Variants in NLRP1 observed in about 807,000 individuals in gnomAD.
The protein encoded by NLRP1 is NACHT, LRR and PYD domains-containing protein 1.
NLRP1 carries 94 observed loss-of-function variants against 136.7 expected under a neutral mutation model. That is an observed-to-expected ratio of 0.69 (90% CI 0.58 to 0.82). The LOEUF (loss-of-function observed/expected upper bound fraction) is 0.82. Among genes scored for constraint, NLRP1 ranks in the 40% least tolerant of loss-of-function variants. The probability of loss-of-function intolerance (pLI) is 0.00; values close to 1 mark genes in which losing one functional copy is unlikely to be tolerated. For missense variants in NLRP1, 1,575 were observed against 1,802.7 expected, an observed-to-expected ratio of 0.87 and a Z score of 2.29; for synonymous variants, 690 against 725.1, an observed-to-expected ratio of 0.95 and a Z score of 0.78.
chr17:5,545,716 A>C (rs1912585147), intron 5 of NLRP1, among the ~76,000 whole-genome samples: 1 of 152,156 alleles, frequency 6.6e-6, no homozygotes, highest in African/African-American at 2.4e-5. Flanking sequence ...CGCAGCTGGC[A>C]GATGTGGCTC....
chr17:5,521,850 G>T, intron 12 of NLRP1, 64 bp from the exon 13 acceptor site: 2 of 1,467,896 alleles, frequency 1.4e-6, no homozygotes, highest in Non-Finnish European at 1.8e-6. Context: ...TTGAGACAGA[G>T]TTTCGCTCTT....
At chr17:5,554,069 T>C (rs968998480) in intron 4 of NLRP1, among the ~76,000 whole-genome samples, 2 of 152,070 alleles carry the variant, frequency 1.3e-5, no homozygotes, top group African/African-American at 4.8e-5. Context: ...CGGGAGGCAG[T>C]AGCAGAGCCT....
In NLRP1 at chr17:5,559,837, G is replaced by A. The variant is rs17854712; in HGVS notation, c.859C>T (p.Pro287Ser). 5.0e-6 allele frequency: 8 copies of A among 1,614,242 alleles called. No individual in the cohort carries two copies. Among genetic ancestry groups the A allele is most frequent in the Non-Finnish European group, 6.8e-6 (8 of 1,180,038 alleles). ...KFTQLLLLQR[P>S]HPRSQDPLVK... ...AGGGGATCTTGGCTTCTGGGGTGAG[G>A]TCTTTGTAGAAGTAGCAGCTGTGTG... Residue 287 changes from proline to serine, a missense_variant, in exon 4 of 17, where the codon CCT becomes TCT. Physicochemically the swap from Pro to Ser is moderately conservative, Grantham distance 74 (BLOSUM62 -1). Transcript: ENST00000572272.
chr17:5,517,035 G>C (rs1166011555), intron 15 of NLRP1, among the ~76,000 whole-genome samples: 2 of 152,178 alleles, frequency 1.3e-5, no homozygotes, highest in Non-Finnish European at 2.9e-5. Context: ...GAGCGATACA[G>C]GGGAGAGTAT....
At chr17:5,519,223 C>T (rs1447210564) in intron 14 of NLRP1, among the ~76,000 whole-genome samples, 1 of 151,974 alleles carries the variant, frequency 6.6e-6, no homozygotes, top group Middle Eastern at 3.4e-3. Context: ...AGGATGGTCT[C>T]GATCTCCTGA....
intron 15 of NLRP1, among the ~76,000 whole-genome samples, chr17:5,509,018 G>A (rs1018698887): frequency 2.6e-5 from 4 of 152,142 alleles, no homozygotes; most frequent in Non-Finnish European, 4.4e-5. Context: ...TCATGCCCAC[G>A]CAGACAAAGG....
intron 12 of NLRP1, chr17:5,529,894 C>T (rs1458816739): frequency 6.9e-6 from 3 of 435,316 alleles, no homozygotes; most frequent in Admixed American, 2.5e-5. Context: ...CTTGTTTCCC[C>T]TTTGTGAGAT....
chr17:5,504,020 T>G lies in NLRP1; in HGVS notation c.4070-2148A>C, dbSNP rs2151726230. The G allele has an allele frequency of 6.6e-6, 1 of 152,458 alleles. No individual in the cohort carries two copies. The highest frequency in any genetic ancestry group is 1.9e-4 in the East Asian group (1 of 5,188). 9.4% of individuals were successfully genotyped at this position (152,458 alleles called of 1,614,324 possible). ...GCCTCTGGAAGAAAGATACACTGTCTGAGTCAATAGGAATCAGAGATTTGA... is the reference window on the plus strand; with the variant it reads ...GCCTCTGGAAGAAAGATACACTGTCGGAGTCAATAGGAATCAGAGATTTGA... On this transcript the variant is annotated intron_variant, in intron 15 of 15. Coordinates refer to the NLRP1 transcript ENST00000262467. The surrounding 1 kb of genome is among the most constrained non-coding windows in gnomAD (Gnocchi z 4.4).
chr17:5,516,943 G>T (rs1188972692), intron 15 of NLRP1, among the ~76,000 whole-genome samples: 1 of 152,094 alleles, frequency 6.6e-6, no homozygotes, highest in Non-Finnish European at 1.5e-5. Flanking sequence ...TTAGATTGTT[G>T]GTACTAGACT....
At chr17:5,568,419 T>TTCAA (rs1261178260) in intron 3 of NLRP1, among the ~76,000 whole-genome samples, 7 of 152,190 alleles carry the variant, frequency 4.6e-5, no homozygotes, top group Admixed American at 4.6e-4. Flanking sequence ...TTTTAATTAT[T>TTCAA]TCAATCTCTT....
Position 5,501,710 on chromosome 17 carries a change from T to A in NLRP1, c.*104A>T, listed in dbSNP as rs1292890490. 5 of 842,958 alleles carry A rather than the reference T, an allele frequency of 5.9e-6. No homozygotes were observed. The Admixed American group carries it at 9.7e-5, about 16-fold the overall frequency. 52.2% of individuals were successfully genotyped at this position (842,958 alleles called of 1,614,324 possible). A position where few individuals can be genotyped will look rare whatever the true frequency, so the allele number is the denominator to read the frequency against. On this transcript the variant is annotated 3_prime_UTR_variant, in exon 16 of 16. Transcript: ENST00000262467. ...AGAACAAATCCTTCAAAGACCTGCC[T>A]CACCTAAGCCCATTTCTCAGACCCA... is the stretch of plus-strand genomic sequence containing the variant.
At chr17:5,582,213 C>T (rs142309453) in intron 2 of NLRP1, 151 bp from the exon 3 acceptor site, 1 of 721,958 alleles carries the variant, frequency 1.4e-6, no homozygotes, top group East Asian at 2.7e-5. Flanking sequence ...ATTTTATTCT[C>T]TTAGTAGTGA....
chr17:5,519,824 C>T (rs1245469625), intron 14 of NLRP1, among the ~76,000 whole-genome samples: 1 of 146,826 alleles, frequency 6.8e-6, no homozygotes, highest in Non-Finnish European at 1.5e-5. Flanking sequence ...CAGCCAGAGG[C>T]ATCTTTATGA....
Position 5,517,897 on chromosome 17 carries a change from CAA to C in NLRP1, c.3916-12_3916-11del, listed in dbSNP as rs1908363964. On this transcript the variant is annotated splice_polypyrimidine_tract_variant and intron_variant, in intron 14 of 16. Coordinates refer to ENST00000572272, the MANE Select transcript of NLRP1 (RefSeq NM_033004.4). ...AGCAGAGCTCCAGTTCCTGAAGAGG[CAA>C]AGAGTTGAGTTGCCACCCTGTTCAT... 6.2e-7 allele frequency: 1 copy of C among 1,613,598 alleles called. No homozygotes were observed. The highest frequency in any genetic ancestry group is 1.1e-5 in the South Asian group (1 of 91,074).
At chr17:5,562,713 C>A (rs944055660) in intron 3 of NLRP1, among the ~76,000 whole-genome samples, 2 of 152,202 alleles carry the variant, frequency 1.3e-5, no homozygotes, top group African/African-American at 2.4e-5. Flanking sequence ...GTATTCAGTG[C>A]CATGAAAACT....
In NLRP1 at chr17:5,558,860, C is replaced by T. The variant is rs554361777; in HGVS notation, c.1836G>A (p.Glu612=). ...AGCTGTAGCTCAGAGGGATGGGGTGCTCTTGAAGAATACCCATCTTCAAGA... is the reference window on the plus strand; with the variant it reads ...AGCTGTAGCTCAGAGGGATGGGGTGTTCTTGAAGAATACCCATCTTCAAGA... ...STFLKMGILQ[E]HPIPLSYSFI... is the part of the protein sequence containing the mutation. The change falls in exon 4 of 17, where the codon GAG becomes GAA. Residue 612 remains glutamate (E), a synonymous_variant. Coordinates refer to ENST00000572272, the MANE Select transcript of NLRP1 (RefSeq NM_033004.4). 4 of 1,614,106 alleles carry T rather than the reference C, an allele frequency of 2.5e-6. No homozygotes were observed. In the South Asian group the frequency reaches 4.4e-5, roughly 18 times the overall value.
At chr17:5,576,125 T>A (rs934251111) in intron 3 of NLRP1, among the ~76,000 whole-genome samples, 3 of 151,906 alleles carry the variant, frequency 2.0e-5, no homozygotes, top group Non-Finnish European at 4.4e-5. Context: ...CATTTAAAGC[T>A]GTGTGTAGAG....
intron 12 of NLRP1, among the ~76,000 whole-genome samples, chr17:5,527,050 AT>A (rs1287752868): frequency 1.3e-5 from 2 of 152,220 alleles, no homozygotes; most frequent in Non-Finnish European, 2.9e-5. Flanking sequence ...GGCAGCAAGC[AT>A]TTCTGGAAGG....
chr17:5,519,822 G>C (rs1323236294), intron 14 of NLRP1, among the ~76,000 whole-genome samples: 1 of 149,908 alleles, frequency 6.7e-6, no homozygotes, highest in Non-Finnish European at 1.5e-5. Context: ...AGCAGCCAGA[G>C]GCATCTTTAT....
Sources: gnomAD v4.1 joint callset for allele counts (sites outside exome capture counted in the v4.1 genomes callset) on GRCh38, gnomAD v4.1.1 for gene constraint, Gnocchi (gnomAD v3.1) non-coding constraint, MANE v1.5 for transcripts, NCBI Gene and HGNC (gene_info 2026-07-23, HGNC 2026-07-21) for gene names.